CMIP: variants seen among roughly 807,000 people sequenced by gnomAD.
CMIP encodes c-Maf inducing protein, also known as C-Maf-inducing protein.
A neutral mutation model predicts 97.3 loss-of-function variants in CMIP; 13 were observed. The ratio of observed to expected loss-of-function variants is 0.13; its 90% CI spans 0.09 to 0.21. The LOEUF is 0.21. Among genes scored for constraint, CMIP ranks in the 10% least tolerant of loss-of-function variants. CMIP has a pLI of 1.00. For synonymous variants in CMIP, 538 were observed against 436.3 expected, an observed-to-expected ratio of 1.23 and a Z score of -2.91; for missense variants, 847 against 1,024.9, an observed-to-expected ratio of 0.83 and a Z score of 2.37.
intron 1 of CMIP, among the ~76,000 whole-genome samples, chr16:81,530,077 A>G (rs538459540): frequency 1.6e-4 from 24 of 152,344 alleles, no homozygotes; most frequent in African/African-American, 5.8e-4. Context: ...AACCTTCTCA[A>G]AGAGTCCATC....
At chr16:81,679,670 G>C (rs1156677267) in intron 10 of CMIP, among the ~76,000 whole-genome samples, 1 of 152,004 alleles carries the variant, frequency 6.6e-6, no homozygotes, top group Non-Finnish European at 1.5e-5. Flanking sequence ...GGGTGGTGTG[G>C]CTTCTGAGCT....
intron 7 of CMIP, among the ~76,000 whole-genome samples, chr16:81,669,119 CT>C (rs2092648873): frequency 7.2e-5 from 3 of 41,414 alleles, no homozygotes; most frequent in Non-Finnish European, 1.9e-4. Flanking sequence ...ACCTCTCACA[CT>C]CACCTCCTTC....
chr16:81,508,697 C>T (rs1274002799), intron 1 of CMIP, among the ~76,000 whole-genome samples: 1 of 152,244 alleles, frequency 6.6e-6, no homozygotes, highest in African/African-American at 2.4e-5. Flanking sequence ...GGAGTTTCAG[C>T]ACTCTCCATC....
intron 1 of CMIP, among the ~76,000 whole-genome samples, chr16:81,509,025 A>G (rs1376229456): frequency 6.6e-6 from 1 of 152,206 alleles, no homozygotes; most frequent in Non-Finnish European, 1.5e-5. Flanking sequence ...CTTAGCCTTA[A>G]GAGCAGCAGC....
intron 9 of CMIP, among the ~76,000 whole-genome samples, chr16:81,675,493 A>C (rs1904293711): frequency 6.6e-6 from 1 of 151,470 alleles, no homozygotes; most frequent in Non-Finnish European, 1.5e-5. Context: ...TGCTGGGATT[A>C]CAGGGGTGAG....
intron 1 of CMIP, among the ~76,000 whole-genome samples, chr16:81,583,134 G>A (rs551571821): frequency 4.6e-5 from 7 of 152,368 alleles, no homozygotes; most frequent in South Asian, 2.1e-4. Flanking sequence ...GACCTTGGCC[G>A]TCTGATCAGG....
chr16:81,650,939 A>G (rs530236371), intron 3 of CMIP, among the ~76,000 whole-genome samples: 1 of 152,254 alleles, frequency 6.6e-6, no homozygotes, highest in Admixed American at 6.5e-5. Flanking sequence ...TTGGCATGGA[A>G]TGTGTCCCTC....
intron 1 of CMIP, among the ~76,000 whole-genome samples, chr16:81,550,969 C>T (rs1482388258): frequency 9.7e-5 from 14 of 143,968 alleles, no homozygotes; most frequent in African/African-American, 2.7e-4. Flanking sequence ...TCCCGTCACA[C>T]GCACCCCAGT....
chr16:81,624,747 T>A (rs1033335893), intron 3 of CMIP, among the ~76,000 whole-genome samples: 15 of 152,230 alleles, frequency 9.9e-5, no homozygotes, highest in African/African-American at 3.6e-4. Context: ...GACACTAGGG[T>A]TCCTTATGGG....
In CMIP at chr16:81,704,096, C is replaced by T; in HGVS notation, c.2091+11C>T. ...CTGTGGTCCACTCAGGTACGTCCTC[C>T]CGCCCTGCTGCAGTCCCCCACACCC... On this transcript the variant is annotated intron_variant, in intron 18 of 20. Coordinates refer to ENST00000537098, the MANE Select transcript of CMIP (RefSeq NM_198390.3). The T allele has an allele frequency of 6.3e-7, 1 of 1,599,728 alleles. No homozygotes were observed. The highest frequency in any genetic ancestry group is 8.5e-7 in the Non-Finnish European group (1 of 1,174,922).
chr16:81,565,716 G>A (rs893333298), intron 1 of CMIP, among the ~76,000 whole-genome samples: 4 of 152,170 alleles, frequency 2.6e-5, no homozygotes, highest in Non-Finnish European at 5.9e-5. Context: ...CAAAGACAGC[G>A]GCTGTCTGCC....
chr16:81,678,635 G>GCC lies in CMIP; in HGVS notation c.1388+14_1388+15dup, dbSNP rs74910737. The GCC allele has an allele frequency of 0.092, 125,338 of 1,366,424 alleles. 5,270 individuals are homozygous for GCC. Among genetic ancestry groups the GCC allele is most frequent in the Non-Finnish European group, 0.11 (105,665 of 974,918 alleles). The allele number at this position is 1,366,424 out of a possible 1,614,324, so 84.6% of individuals were successfully genotyped here. Reference sequence around the variant, plus strand: ...TGGAAATCCTCAAGCTGCTGTGAGTGCCCCCCCCGCGTGCCCGCCCCCGGG... The same window carrying GCC: ...TGGAAATCCTCAAGCTGCTGTGAGTGCCCCCCCCCCGCGTGCCCGCCCCCGGG... On this transcript the variant is annotated splice_region_variant and intron_variant, in intron 10 of 20. Transcript: ENST00000537098.
chr16:81,464,009 C>T (rs1907048409), intron 1 of CMIP: 1 of 152,244 alleles, frequency 6.6e-6, no homozygotes, highest in Non-Finnish European at 1.5e-5. Context: ...CCAGGATTTT[C>T]CTAGTCCCTT....
intron 3 of CMIP, among the ~76,000 whole-genome samples, chr16:81,639,981 C>T (rs1386658599): frequency 6.6e-6 from 1 of 152,162 alleles, no homozygotes; most frequent in East Asian, 1.9e-4. Flanking sequence ...GGCTGATGTA[C>T]AGCTTTGTGT....
chr16:81,513,252 C>G lies in CMIP; in HGVS notation c.300+67711C>G, dbSNP rs534607184. Among the ~76,000 whole-genome samples the G allele has an allele frequency of 1.3e-4, 20 of 152,346 alleles. No homozygotes were observed. The South Asian group carries it at 3.5e-3, about 27-fold the overall frequency. On this transcript the variant is annotated intron_variant, in intron 1 of 20. Coordinates refer to ENST00000537098, the MANE Select transcript of CMIP (RefSeq NM_198390.3). ...CCTGCATCCGTTGCTGCTCACCAGA[C>G]CCAGAGTGTGGGGCTTCCTGCCAGC...
rs944089131 is a variant in CMIP, at chr16:81,699,543, C to A, written c.1639-142C>A. 1.2e-4 allele frequency: 71 copies of A among 603,950 alleles called. 1 individual carries two copies. The highest frequency in any genetic ancestry group is 3.1e-4 in the Middle Eastern group (1 of 3,248). 37.4% of individuals were successfully genotyped at this position (603,950 alleles called of 1,614,324 possible). A position where few individuals can be genotyped will look rare whatever the true frequency, so the allele number is the denominator to read the frequency against. The stretch of plus-strand genomic sequence containing the variant: ...AGGGGTTTCTTGCATCCCCCTGGGG[C>A]CTGGTGATCCTAGAACACCTGGCTG... On this transcript the variant is annotated intron_variant, in intron 14 of 20. Transcript: ENST00000537098.
Position 81,678,512 on chromosome 16 carries a change from C to T in CMIP, c.1272C>T (p.Ser424=), listed in dbSNP as rs1347506572. 5 of 1,602,008 alleles carry T rather than the reference C, an allele frequency of 3.1e-6. No individual in the cohort carries two copies. Among genetic ancestry groups the T allele is most frequent in the East Asian group, 2.3e-5 (1 of 44,360 alleles). ...PALTASAGND[S]EPNLIDCLMV... ...TGACGGCCAGCGCAGGCAACGACAGCGAGCCCAACCTCATCGACTGCCTCA... is the reference window on the plus strand; with the variant it reads ...TGACGGCCAGCGCAGGCAACGACAGTGAGCCCAACCTCATCGACTGCCTCA... The change falls in exon 10 of 21, where the codon AGC becomes AGT. Residue 424 remains serine (S), a synonymous_variant. Coordinates refer to ENST00000537098, the MANE Select transcript of CMIP (RefSeq NM_198390.3).
chr16:81,494,604 C>T (rs1043018215), intron 1 of CMIP, among the ~76,000 whole-genome samples: 2 of 152,170 alleles, frequency 1.3e-5, no homozygotes, highest in African/African-American at 4.8e-5. Flanking sequence ...GAGGAGGCAC[C>T]TGTGGGCATG....
chr16:81,682,722 T>C (rs1904996287), intron 10 of CMIP, among the ~76,000 whole-genome samples: 1 of 152,226 alleles, frequency 6.6e-6, no homozygotes, highest in Non-Finnish European at 1.5e-5. Flanking sequence ...CCCGCTCCAC[T>C]GCCAGGGAGC....
Sources: allele counts gnomAD v4.1 joint callset (sites outside exome capture counted in the v4.1 genomes callset), GRCh38; gene constraint gnomAD v4.1.1; transcripts MANE v1.5; gene names NCBI Gene and HGNC (gene_info 2026-07-23, HGNC 2026-07-21).